The following NCAM1 variants were observed in gnomAD, a reference collection of about 807,000 sequenced individuals.
The protein encoded by NCAM1 is antigen recognized by monoclonal antibody 5.1H11.
A neutral mutation model predicts 109.8 loss-of-function variants in NCAM1; 14 were observed. That is an observed-to-expected ratio of 0.13 (90% CI 0.08 to 0.20). The LOEUF (loss-of-function observed/expected upper bound fraction) is 0.20. Among genes scored for constraint, NCAM1 ranks in the 10% least tolerant of loss-of-function variants. The pLI is 1.00. For synonymous variants in NCAM1, 418 were observed against 442.9 expected (o/e 0.94, Z 0.70); for missense variants, 774 against 1,109.9 (o/e 0.70, Z 4.30).
chr11:113,084,806 TA>T (rs1939004008), intron 1 of NCAM1, among the ~76,000 whole-genome samples: 1 of 152,226 alleles, frequency 6.6e-6, no homozygotes, highest in African/African-American at 2.4e-5. Flanking sequence ...CCAAGCAGCT[TA>T]CTTCTCTGTA....
In NCAM1 at chr11:113,231,626, TCC is replaced by T; in HGVS notation, c.1090-13_1090-12del. ...TGCCTTGGGCTCTGACATGCTCCCT[TCC>T]CCCCCACCCCCGGCAGACTCTGGAT... On this transcript the variant is annotated splice_polypyrimidine_tract_variant and intron_variant, in intron 9 of 19. Transcript: ENST00000316851. 1 of 1,597,500 alleles carries T rather than the reference TCC, an allele frequency of 6.3e-7. No homozygotes were observed. Among genetic ancestry groups the T allele is most frequent in the Non-Finnish European group, 8.6e-7 (1 of 1,167,052 alleles).
chr11:113,077,688 CTTTT>C (rs10535004), intron 1 of NCAM1, among the ~76,000 whole-genome samples: 1 of 145,598 alleles, frequency 6.9e-6, no homozygotes, highest in Non-Finnish European at 1.5e-5. Flanking sequence ...TAAGGAAGTA[CTTTT>C]TTTTTTTTTT....
chr11:113,208,972 C>A (rs528579075), intron 7 of NCAM1, among the ~76,000 whole-genome samples: 8 of 152,344 alleles, frequency 5.3e-5, no homozygotes, highest in Admixed American at 1.3e-4. Flanking sequence ...CTGCTCACTT[C>A]ATCTTCATAA....
intron 1 of NCAM1, among the ~76,000 whole-genome samples, chr11:113,185,345 CTTTTA>C (rs1943477107): frequency 1.3e-5 from 2 of 152,066 alleles, no homozygotes; most frequent in African/African-American, 2.4e-5. Flanking sequence ...ATTAATCAGT[CTTTTA>C]TTTTATTGAG....
chr11:113,126,609 C>T (rs377150304), intron 1 of NCAM1, among the ~76,000 whole-genome samples: 21 of 152,332 alleles, frequency 1.4e-4, no homozygotes, highest in Middle Eastern at 6.8e-3. Flanking sequence ...ATTGTATTCT[C>T]AGCGGATGCA....
intron 9 of NCAM1, chr11:113,231,259 CCAGGATCTCATGAGGTAG>C: frequency 6.5e-7 from 1 of 1,536,096 alleles, no homozygotes; most frequent in Non-Finnish European, 8.7e-7. Flanking sequence ...TGCAGGTTTC[CCAGGATCTCATGAGGTAG>C]GGCTGCTGCT....
intron 8 of NCAM1, among the ~76,000 whole-genome samples, chr11:113,220,401 G>A (rs2137078970): frequency 6.6e-6 from 1 of 152,094 alleles, no homozygotes; most frequent in South Asian, 2.1e-4. Flanking sequence ...CCTGACTCCT[G>A]GTCTCAAGGA....
chr11:113,064,104 A>G lies in NCAM1; in HGVS notation c.52+102440A>G, dbSNP rs79752080. On this transcript the variant is annotated intron_variant, in intron 1 of 19. Transcript: ENST00000316851. ...ACTGTAGGAATTGAAATTATTTTCT[A>G]TGGGAAGTCTGACTTCCTTCCATTC... Among the ~76,000 whole-genome samples the G allele has an allele frequency of 3.6e-3, 542 of 152,348 alleles. 2 individuals are homozygous for G. The highest frequency in any genetic ancestry group is 5.9e-3 in the Non-Finnish European group (403 of 68,032).
At chr11:113,184,909 A>G (rs1353144556) in intron 1 of NCAM1, among the ~76,000 whole-genome samples, 4 of 151,996 alleles carry the variant, frequency 2.6e-5, no homozygotes, top group African/African-American at 4.8e-5. Context: ...ATTGCAAGTC[A>G]TATCTACTTT....
chr11:113,139,362 G>A (rs1236413311), intron 1 of NCAM1, among the ~76,000 whole-genome samples: 43 of 151,840 alleles, frequency 2.8e-4, no homozygotes, highest in East Asian at 1.9e-4. Context: ...TATGTATATC[G>A]TTTATTTTTA....
intron 1 of NCAM1, among the ~76,000 whole-genome samples, chr11:113,093,913 G>GTTGGAAGCT (rs1391447872): frequency 1.0e-3 from 159 of 152,330 alleles, no homozygotes; most frequent in African/African-American, 3.7e-3. Flanking sequence ...TTCCAGACCA[G>GTTGGAAGCT]TTGGAAGCTG....
In NCAM1 at chr11:113,195,871, C is replaced by T. The variant is rs1714770466; in HGVS notation, c.53-6508C>T. On this transcript the variant is annotated intron_variant, in intron 1 of 19. Coordinates refer to ENST00000316851, the MANE Select transcript of NCAM1 (RefSeq NM_181351.5). ...TATAAGAGGCCCCTGTTATCTCATT[C>T]TCATTACATGTGTCATTGGGAATTT... Among the ~76,000 whole-genome samples, 5 of 151,362 alleles carry T rather than the reference C, an allele frequency of 3.3e-5. No individual in the cohort carries two copies. In the South Asian group the frequency reaches 8.3e-4, roughly 25 times the overall value.
At chr11:113,243,060 T>C (rs529005135) in intron 14 of NCAM1, 2 of 865,316 alleles carry the variant, frequency 2.3e-6, no homozygotes, top group South Asian at 1.1e-4. Context: ...GGTTGATTAT[T>C]GGAAGAATAC....
At chr11:113,141,094 G>C (rs1473738206) in intron 1 of NCAM1, among the ~76,000 whole-genome samples, 1 of 152,138 alleles carries the variant, frequency 6.6e-6, no homozygotes, top group African/African-American at 2.4e-5. Flanking sequence ...TAAGCCAGCT[G>C]TTCATTTAGG....
At chr11:113,211,392 T>G (rs566177690) in intron 7 of NCAM1, among the ~76,000 whole-genome samples, 2 of 152,352 alleles carry the variant, frequency 1.3e-5, no homozygotes, top group South Asian at 4.1e-4. Flanking sequence ...AGAGACTTTA[T>G]GACATCATTT....
intron 1 of NCAM1, among the ~76,000 whole-genome samples, chr11:113,154,014 C>G (rs937255768): frequency 6.6e-6 from 1 of 152,238 alleles, no homozygotes; most frequent in African/African-American, 2.4e-5. Flanking sequence ...CTGAACAGAA[C>G]AGACATAGTC....
intron 1 of NCAM1, among the ~76,000 whole-genome samples, chr11:113,182,691 G>A (rs1456178421): frequency 6.6e-6 from 1 of 152,244 alleles, no homozygotes; most frequent in Non-Finnish European, 1.5e-5. Flanking sequence ...GCGGTGCTGT[G>A]TTCTGGGTGG....
At chr11:113,195,850 A>C (rs1389462673) in intron 1 of NCAM1, among the ~76,000 whole-genome samples, 1 of 151,834 alleles carries the variant, frequency 6.6e-6, no homozygotes, top group Non-Finnish European at 1.5e-5. Context: ...ATAGTATATA[A>C]GAGGCCCCTG....
chr11:113,227,944 G>A (rs1944898430), intron 9 of NCAM1, among the ~76,000 whole-genome samples: 1 of 152,096 alleles, frequency 6.6e-6, no homozygotes, highest in Non-Finnish European at 1.5e-5. Context: ...AAAATAATGG[G>A]AGCTATTTAT....
Sources: gnomAD v4.1 joint callset for allele counts (sites outside exome capture counted in the v4.1 genomes callset) on GRCh38, gnomAD v4.1.1 for gene constraint, MANE v1.5 for transcripts, NCBI Gene and HGNC (gene_info 2026-07-23, HGNC 2026-07-21) for gene names.